Variants in RHOG observed in about 807,000 individuals in gnomAD.
RHOG encodes the protein rho-related GTP-binding protein RhoG.
RHOG carries 1 observed loss-of-function variant against 12.3 expected under a neutral mutation model. The observed-to-expected ratio is 0.08, with a 90% CI of 0.03 to 0.39. RHOG has a LOEUF of 0.39. Among genes scored for constraint, RHOG ranks in the 10% least tolerant of loss-of-function variants. The pLI is 0.99. For synonymous variants in RHOG, 129 were observed against 116.0 expected (o/e 1.11, Z -0.72); for missense variants, 114 against 266.2 (o/e 0.43, Z 3.98).
intron 1 of RHOG, among the ~76,000 whole-genome samples, chr11:3,828,935 T>G (rs534179768): frequency 6.6e-6 from 1 of 151,762 alleles, no homozygotes; most frequent in South Asian, 2.1e-4. Context: ...TAGCTATTTT[T>G]TTTTTCCAGG....
intron 1 of RHOG, among the ~76,000 whole-genome samples, chr11:3,828,892 T>C (rs1383260878): frequency 7.2e-5 from 11 of 152,108 alleles, no homozygotes; most frequent in African/African-American, 9.6e-5. Flanking sequence ...AGTGCTGGGA[T>C]TACAGGCGTG....
chr11:3,838,917 A>G (rs2090171859), intron 1 of RHOG, among the ~76,000 whole-genome samples: 1 of 152,144 alleles, frequency 6.6e-6, no homozygotes, highest in Non-Finnish European at 1.5e-5. Context: ...GATGGGGAGT[A>G]TTAAGGATGC....
intron 1 of RHOG, chr11:3,840,490 C>G (rs1186551814): frequency 2.0e-5 from 3 of 152,312 alleles, no homozygotes; most frequent in Non-Finnish European, 4.4e-5. Flanking sequence ...GCAGAGGGAG[C>G]GCCTTTTCCA....
At chr11:3,836,865 T>C (rs1391178426) in intron 1 of RHOG, among the ~76,000 whole-genome samples, 1 of 123,878 alleles carries the variant, frequency 8.1e-6, no homozygotes, top group Non-Finnish European at 1.6e-5. Flanking sequence ...ATCGCGCCAT[T>C]GCACTCCAGC....
At chr11:3,838,095 C>T (rs2090167422) in intron 1 of RHOG, among the ~76,000 whole-genome samples, 1 of 152,236 alleles carries the variant, frequency 6.6e-6, no homozygotes, top group African/African-American at 2.4e-5. Context: ...ACTGACCTCA[C>T]CACTAATGGG....
chr11:3,829,080 C>G (rs866251803), intron 1 of RHOG, among the ~76,000 whole-genome samples: 24 of 152,004 alleles, frequency 1.6e-4, no homozygotes, highest in Admixed American at 5.9e-4. Flanking sequence ...TGTGATGCAG[C>G]CATAAGTAGA....
intron 1 of RHOG, among the ~76,000 whole-genome samples, chr11:3,832,433 T>C (rs1326338196): frequency 6.6e-6 from 1 of 152,202 alleles, no homozygotes; most frequent in Admixed American, 6.5e-5. Context: ...GGTAAGTTAC[T>C]GCCCTTCCTG....
chr11:3,838,850 G>A (rs1039411775), intron 1 of RHOG, among the ~76,000 whole-genome samples: 28 of 152,188 alleles, frequency 1.8e-4, no homozygotes, highest in Non-Finnish European at 2.6e-4. Context: ...CCATAGCCAG[G>A]ATGGACTGAA....
At chr11:3,828,394 A>G (rs1197632888) in intron 1 of RHOG, among the ~76,000 whole-genome samples, 188 bp from the exon 2 acceptor site, 1 of 152,204 alleles carries the variant, frequency 6.6e-6, no homozygotes, top group African/African-American at 2.4e-5. Flanking sequence ...GAGGCAGTAT[A>G]ATGTGGTAGA....
chr11:3,837,925 C>T (rs765232496), intron 1 of RHOG: 2 of 152,526 alleles, frequency 1.3e-5, no homozygotes, highest in Non-Finnish European at 2.9e-5. Flanking sequence ...AGCTGAGAAG[C>T]TCCTCCTCTG....
chr11:3,840,107 C>A (rs2135143998), intron 1 of RHOG, among the ~76,000 whole-genome samples: 1 of 152,078 alleles, frequency 6.6e-6, no homozygotes, highest in East Asian at 1.9e-4. Flanking sequence ...TCTCAATTGT[C>A]CCCAAAAGAC....
At chr11:3,839,190 G>C (rs147875891) in intron 1 of RHOG, among the ~76,000 whole-genome samples, 10 of 152,250 alleles carry the variant, frequency 6.6e-5, no homozygotes, top group African/African-American at 2.4e-4. Flanking sequence ...GCTGGAACTA[G>C]TAGGTAATGG....
In RHOG at chr11:3,827,174, C is replaced by T. The variant is rs1001442416; in HGVS notation, c.*389G>A. 9.4e-6 allele frequency: 2 copies of T among 213,550 alleles called. No homozygotes were observed. Among genetic ancestry groups the T allele is most frequent in the Middle Eastern group, 1.8e-3 (1 of 544 alleles). The allele number at this position is 213,550 out of a possible 1,614,324, so 13.2% of individuals were successfully genotyped here. ...CTTGGGGGCGCAATTCCAAGAGCAG[C>T]GAGGGCAGAGGTTAGAGATGGCTGA... On this transcript the variant is annotated 3_prime_UTR_variant, in exon 2 of 2. Coordinates refer to ENST00000351018, the MANE Select transcript of RHOG (RefSeq NM_001665.4). The surrounding 1 kb of genome is among the most constrained non-coding windows in gnomAD (Gnocchi z 7.3).
chr11:3,834,279 C>T (rs1565083938), intron 1 of RHOG, among the ~76,000 whole-genome samples: 1 of 152,106 alleles, frequency 6.6e-6, no homozygotes, highest in African/African-American at 2.4e-5. Flanking sequence ...AACAGTCATA[C>T]GTAAGTTTCC....
At chr11:3,839,181 C>T (rs1453127262) in intron 1 of RHOG, among the ~76,000 whole-genome samples, 1 of 152,142 alleles carries the variant, frequency 6.6e-6, no homozygotes, top group Non-Finnish European at 1.5e-5. Context: ...CCAGGTGATG[C>T]TGGAACTAGT....
At position 3,828,097 on chromosome 11, in the gene RHOG, C is replaced by T; in HGVS notation, c.42G>A (p.Val14=). 1 of 1,614,182 alleles carries T rather than the reference C, an allele frequency of 6.2e-7. No individual in the cohort carries two copies. The highest frequency in any genetic ancestry group is 1.7e-5 in the Admixed American group (1 of 60,036). ...AGCAGATGAGCAGGCACGTCTTGCCCACAGCCCCATCACCCACCACCACGC... is the reference window on the plus strand; with the variant it reads ...AGCAGATGAGCAGGCACGTCTTGCCTACAGCCCCATCACCCACCACCACGC... ...IKCVVVGDGA[V]GKTCLLICYT... The change falls in exon 2 of 2, where the codon GTG becomes GTA. Residue 14 remains valine, a synonymous_variant. Coordinates refer to ENST00000351018, the MANE Select transcript of RHOG (RefSeq NM_001665.4).
chr11:3,827,654 T>C lies in RHOG; in HGVS notation c.485A>G (p.Gln162Arg), dbSNP rs2090089684. ...VRYLECSALQ[Q>R]DGVKEVFAEA... ...GGCGAACACTTCCTTGACACCATCC[T>C]GTTGCAGGGCTGAGCATTCGAGGTA... The change falls in exon 2 of 2, where the codon CAG becomes CGG. Residue 162 changes from glutamine (Q) to arginine (R), a missense_variant. Around this residue, in one of 2 missense-constraint regions of RHOG, gnomAD observed 61 missense variants for 101.4 expected, o/e 0.60. Coordinates refer to ENST00000351018, the MANE Select transcript of RHOG (RefSeq NM_001665.4). This position sits in a 1 kb window ranked among gnomAD's most constrained non-coding sequence, Gnocchi z 7.3. 6.2e-7 allele frequency: 1 copy of C among 1,613,954 alleles called. No homozygotes were observed. The highest frequency in any genetic ancestry group is 8.5e-7 in the Non-Finnish European group (1 of 1,180,006).
chr11:3,828,233 T>G (rs1465180955), intron 1 of RHOG, 27 bp from the exon 2 acceptor site: 23 of 1,186,030 alleles, frequency 1.9e-5, no homozygotes, highest in Non-Finnish European at 2.4e-5. Flanking sequence ...GGGGACATTC[T>G]TGGTTAGGGA....
At chr11:3,834,515 G>A (rs753105229) in intron 1 of RHOG, among the ~76,000 whole-genome samples, 3 of 152,154 alleles carry the variant, frequency 2.0e-5, no homozygotes, top group Admixed American at 6.5e-5. Context: ...GAATCTCATC[G>A]GACAGCAATG....
Sources: allele counts gnomAD v4.1 joint callset (sites outside exome capture counted in the v4.1 genomes callset), GRCh38; gene constraint gnomAD v4.1.1; regional missense constraint gnomAD v4.1.1; non-coding constraint Gnocchi (gnomAD v3.1); transcripts MANE v1.5; gene names NCBI Gene and HGNC (gene_info 2026-07-23, HGNC 2026-07-21).